NR3C2: variants seen among roughly 807,000 people sequenced by gnomAD.
The protein encoded by NR3C2 is nuclear receptor subfamily 3 group C member 2, also known as mineralocorticoid receptor.
NR3C2 carries 15 observed loss-of-function variants against 86.4 expected under a neutral mutation model. The ratio of observed to expected loss-of-function variants is 0.17; its 90% CI spans 0.12 to 0.27. NR3C2 has a LOEUF of 0.27. Ranked by LOEUF, NR3C2 falls within the 10% of genes least tolerant of loss-of-function variation. NR3C2 has a pLI of 1.00. For synonymous variants in NR3C2, 458 were observed against 450.5 expected (o/e 1.02, Z -0.21); for missense variants, 960 against 1,195.6 (o/e 0.80, Z 2.91).
intron 2 of NR3C2, chr4:148,368,559 C>T (rs557658415): frequency 2.6e-5 from 4 of 152,126 alleles, no homozygotes; most frequent in East Asian, 1.9e-4. Context: ...TTCATATATA[C>T]AATCTTGTAT....
rs544305422 is a variant in NR3C2, at chr4:148,299,377, G to T, written c.1758-39260C>A. ...ACTGCATCCCCAACCCTGTCGCTCT[G>T]GGGGGTTAGAAATGTCGGCCTTGGT... On this transcript the variant is annotated intron_variant, in intron 2 of 8. Transcript: ENST00000358102. Among the ~76,000 whole-genome samples, 7 of 152,252 alleles carry T rather than the reference G, an allele frequency of 4.6e-5. No individual in the cohort carries two copies. The South Asian group carries it at 1.2e-3, about 27-fold the overall frequency.
chr4:148,186,855 C>A (rs1735919987), intron 4 of NR3C2, among the ~76,000 whole-genome samples: 1 of 151,258 alleles, frequency 6.6e-6, no homozygotes, highest in African/African-American at 2.4e-5. Context: ...CCAGTGACAA[C>A]ATACGATGTT....
At chr4:148,266,015 G>A (rs1457677752) in intron 2 of NR3C2, among the ~76,000 whole-genome samples, 1 of 150,868 alleles carries the variant, frequency 6.6e-6, no homozygotes, top group African/African-American at 2.4e-5. Context: ...CAGACACTGA[G>A]ATTGGACGGG....
At chr4:148,202,633 C>T (rs943514426) in intron 3 of NR3C2, among the ~76,000 whole-genome samples, 49 of 152,226 alleles carry the variant, frequency 3.2e-4, no homozygotes, top group African/African-American at 1.1e-3. Flanking sequence ...GTTCAGAATC[C>T]GGGTGGGAAA....
chr4:148,318,423 C>T (rs62332052), intron 2 of NR3C2, among the ~76,000 whole-genome samples: 56,633 of 145,104 alleles, frequency 0.39, 13,123 homozygotes, highest in African/African-American at 0.67. Context: ...ATGGTATTTC[C>T]AGTTCTAGAT....
chr4:148,373,480 CTT>C (rs11377568), intron 2 of NR3C2, among the ~76,000 whole-genome samples: 2 of 129,794 alleles, frequency 1.5e-5, no homozygotes, highest in Admixed American at 7.8e-5. Context: ...CTTTTTTTTT[CTT>C]TTTTTTTTTT....
intron 2 of NR3C2, among the ~76,000 whole-genome samples, chr4:148,342,526 C>A (rs1340932540): frequency 6.6e-6 from 1 of 152,098 alleles, no homozygotes; most frequent in Non-Finnish European, 1.5e-5. Context: ...TGAGTATACA[C>A]CTGTATTTCA....
intron 3 of NR3C2, among the ~76,000 whole-genome samples, chr4:148,227,565 T>C (rs1051693583): frequency 6.6e-6 from 1 of 152,348 alleles, no homozygotes; most frequent in Admixed American, 6.5e-5. Context: ...CATTCTTATT[T>C]GTAACAATTA....
rs750233878 is a variant in NR3C2 at position 148,082,671 on chromosome 4, T to TTTTTG, written c.2800-1173_2800-1172insCAAAA. ...AGACACTGAGCTAGCTGCAGTTTTT[T>TTTTTG]TTTTTTTTTTTCATACCCCAGTGGC... is the stretch of plus-strand genomic sequence containing the variant. On this transcript the variant is annotated intron_variant, in intron 8 of 8. Transcript: ENST00000358102. Among the ~76,000 whole-genome samples, 368 of 150,448 alleles carry TTTTTG rather than the reference T, an allele frequency of 2.4e-3. 4 individuals are homozygous for TTTTTG. The highest frequency in any genetic ancestry group is 8.4e-3 in the African/African-American group (345 of 41,072).
chr4:148,378,450 T>G (rs12506373), intron 2 of NR3C2, among the ~76,000 whole-genome samples: 10,053 of 151,750 alleles, frequency 0.066, 398 homozygotes, highest in African/African-American at 0.12. Flanking sequence ...AATCTCATGT[T>G]GAATTGTAAT....
chr4:148,255,651 G>A (rs192277655), intron 3 of NR3C2, among the ~76,000 whole-genome samples: 1 of 152,212 alleles, frequency 6.6e-6, no homozygotes. Flanking sequence ...GAGATTTGTG[G>A]TAGCTGTGTC....
intron 4 of NR3C2, among the ~76,000 whole-genome samples, chr4:148,159,416 G>A (rs764019436): frequency 6.6e-5 from 10 of 152,090 alleles, no homozygotes; most frequent in Non-Finnish European, 8.8e-5. Context: ...TTAAAATACC[G>A]TATCTAAAAT....
At chr4:148,321,411 G>C (rs1743579953) in intron 2 of NR3C2, among the ~76,000 whole-genome samples, 2 of 151,590 alleles carry the variant, frequency 1.3e-5, no homozygotes, top group South Asian at 4.2e-4. Context: ...GTGCAGAGCT[G>C]AGTTCAATTC....
At position 148,194,691 on chromosome 4, in the gene NR3C2, G is replaced by C; in HGVS notation, c.2014+55C>G. On this transcript the variant is annotated intron_variant, in intron 4 of 8. Transcript: ENST00000358102. The stretch of plus-strand genomic sequence containing the variant: ...CAATTTTGAGAGTACACAGATCTTA[G>C]TGCTGTTGCATTACCTATTAACAAT... 2.6e-6 allele frequency: 3 copies of C among 1,137,764 alleles called. No homozygotes were observed. In the South Asian group the frequency reaches 3.7e-5, roughly 14 times the overall value. The allele number at this position is 1,137,764 out of a possible 1,614,324, so 70.5% of individuals were successfully genotyped here. A position where few individuals can be genotyped will look rare whatever the true frequency, so the allele number is the denominator to read the frequency against.
intron 2 of NR3C2, among the ~76,000 whole-genome samples, chr4:148,399,285 A>C (rs149319001): frequency 6.6e-6 from 1 of 152,190 alleles, no homozygotes; most frequent in African/African-American, 2.4e-5. Flanking sequence ...GATTGCATTA[A>C]AATGGCAACA....
intron 2 of NR3C2, among the ~76,000 whole-genome samples, chr4:148,366,479 C>CTTTTAAAAAGAATACTTTTTAAAAAGTA (rs1561066879): frequency 4.9e-4 from 3 of 6,170 alleles, no homozygotes; most frequent in African/African-American, 1.2e-3. Context: ...TTAAAAAGTA[C>CTTTTAAAAAGAATACTTTTTAAAAAGTA]TCAGCACTTT....
At chr4:148,288,776 G>A (rs571022049) in intron 2 of NR3C2, among the ~76,000 whole-genome samples, 52 of 152,112 alleles carry the variant, frequency 3.4e-4, no homozygotes, top group Admixed American at 1.3e-4. Flanking sequence ...GGGCAGGCAT[G>A]GAAAAACAGT....
chr4:148,081,666 G>C (rs1298521649), intron 8 of NR3C2, among the ~76,000 whole-genome samples, 167 bp from the exon 9 acceptor site: 2 of 152,118 alleles, frequency 1.3e-5, no homozygotes, highest in Non-Finnish European at 2.9e-5. Flanking sequence ...GAGGAAGAAG[G>C]GTGCTCACAT....
chr4:148,270,870 C>A (rs560489971), intron 2 of NR3C2, among the ~76,000 whole-genome samples: 1 of 152,210 alleles, frequency 6.6e-6, no homozygotes, highest in Non-Finnish European at 1.5e-5. Flanking sequence ...AACTGAGCTG[C>A]CACAGGAAAT....
Sources: gnomAD v4.1 joint callset for allele counts (sites outside exome capture counted in the v4.1 genomes callset) on GRCh38, gnomAD v4.1.1 for gene constraint, MANE v1.5 for transcripts, NCBI Gene and HGNC (gene_info 2026-07-23, HGNC 2026-07-21) for gene names.